FNDC3B: variants seen among roughly 807,000 people sequenced by gnomAD.
FNDC3B encodes the protein fibronectin type III domain containing 3B.
A neutral mutation model predicts 151.5 loss-of-function variants in FNDC3B; 12 were observed. The ratio of observed to expected loss-of-function variants is 0.08; its 90% CI spans 0.05 to 0.13. FNDC3B has a LOEUF of 0.13. Ranked by LOEUF, FNDC3B falls within the 10% of genes least tolerant of loss-of-function variation. The probability of loss-of-function intolerance (pLI) is 1.00; values close to 1 mark genes in which losing one functional copy is unlikely to be tolerated. For synonymous variants in FNDC3B, 528 were observed against 549.0 expected, an observed-to-expected ratio of 0.96 and a Z score of 0.54; for missense variants, 1,214 against 1,505.3, an observed-to-expected ratio of 0.81 and a Z score of 3.20.
chr3:172,182,105 T>A (rs1444071099), intron 3 of FNDC3B, among the ~76,000 whole-genome samples: 1 of 152,198 alleles, frequency 6.6e-6, no homozygotes, highest in Non-Finnish European at 1.5e-5. Context: ...AGCATTGAGT[T>A]GTTTTTGCAC....
At chr3:172,371,126 C>T (rs1246800042) in intron 23 of FNDC3B, among the ~76,000 whole-genome samples, 1 of 151,838 alleles carries the variant, frequency 6.6e-6, no homozygotes, top group Non-Finnish European at 1.5e-5. Context: ...CCCTTGCCCA[C>T]CCCCACAAAT....
chr3:172,191,687 G>C (rs376498483), intron 3 of FNDC3B, among the ~76,000 whole-genome samples: 2 of 152,078 alleles, frequency 1.3e-5, no homozygotes. Flanking sequence ...TGTAGAGATG[G>C]GGTCTCACTG....
intron 3 of FNDC3B, among the ~76,000 whole-genome samples, chr3:172,208,126 C>T (rs1041359705): frequency 1.3e-4 from 20 of 152,196 alleles, no homozygotes; most frequent in African/African-American, 4.6e-4. Context: ...AGATCTGAAC[C>T]TTTATTTTTT....
chr3:172,220,544 T>G lies in FNDC3B; in HGVS notation c.188-6327T>G, dbSNP rs544299600. On this transcript the variant is annotated intron_variant, in intron 3 of 25. Coordinates refer to ENST00000415807, the MANE Select transcript of FNDC3B (RefSeq NM_022763.4). ...TTGATGAAGTTCATTTTATCTGTCT[T>G]TTGTTGCTTGTACTTTTGGTGTCTA... Among the ~76,000 whole-genome samples, 3 of 152,348 alleles carry G rather than the reference T, an allele frequency of 2.0e-5. No individual in the cohort carries two copies. The South Asian group carries it at 6.2e-4, about 32-fold the overall frequency.
chr3:172,288,889 T>G (rs1248085004), intron 7 of FNDC3B, among the ~76,000 whole-genome samples: 1 of 152,200 alleles, frequency 6.6e-6, no homozygotes, highest in Non-Finnish European at 1.5e-5. Context: ...GTATCCAGGT[T>G]GCCTGGGCTG....
intron 6 of FNDC3B, among the ~76,000 whole-genome samples, chr3:172,267,257 G>A (rs954542717): frequency 6.6e-6 from 1 of 151,830 alleles, no homozygotes; most frequent in Non-Finnish European, 1.5e-5. Context: ...CCTGGCTCAA[G>A]CAATCCTCCC....
At chr3:172,332,968 C>G (rs1247354208) in intron 13 of FNDC3B, 121 bp from the exon 14 acceptor site, 5 of 751,930 alleles carry the variant, frequency 6.6e-6, no homozygotes, top group Non-Finnish European at 1.2e-5. Flanking sequence ...GCGGTAGCTG[C>G]CAGACCTCTG....
At chr3:172,243,491 G>A (rs1458876998) in intron 4 of FNDC3B, among the ~76,000 whole-genome samples, 2 of 152,192 alleles carry the variant, frequency 1.3e-5, no homozygotes, top group Non-Finnish European at 2.9e-5. Context: ...CAAAAAAAGA[G>A]GTTGTGCAGG....
At chr3:172,202,167 A>G (rs1725188165) in intron 3 of FNDC3B, among the ~76,000 whole-genome samples, 1 of 152,210 alleles carries the variant, frequency 6.6e-6, no homozygotes, top group Admixed American at 6.5e-5. Context: ...AGGAACTTGA[A>G]GTTACATCAT....
intron 19 of FNDC3B, 71 bp from the exon 20 acceptor site, chr3:172,346,256 T>C (rs1280922554): frequency 2.1e-5 from 17 of 807,744 alleles, no homozygotes; most frequent in Non-Finnish European, 3.2e-5. Flanking sequence ...TATAAGCTTT[T>C]GTATGCACAC....
intron 1 of FNDC3B, among the ~76,000 whole-genome samples, chr3:172,095,152 A>C (rs567391775): frequency 6.6e-6 from 1 of 152,282 alleles, no homozygotes; most frequent in African/African-American, 2.4e-5. Context: ...CCTGTTGTTC[A>C]AAGTAAATGT....
intron 6 of FNDC3B, among the ~76,000 whole-genome samples, chr3:172,271,606 A>G (rs915695370): frequency 1.3e-5 from 2 of 152,186 alleles, no homozygotes; most frequent in African/African-American, 2.4e-5. Context: ...GCTTTTGCCA[A>G]TGCTAGGGCC....
chr3:172,153,419 G>C (rs1722331532), intron 3 of FNDC3B, among the ~76,000 whole-genome samples: 2 of 152,166 alleles, frequency 1.3e-5, no homozygotes, highest in South Asian at 4.1e-4. Flanking sequence ...TGCATGTGCT[G>C]CACGCTGCCT....
At chr3:172,216,460 A>C (rs1725980116) in intron 3 of FNDC3B, among the ~76,000 whole-genome samples, 1 of 152,142 alleles carries the variant, frequency 6.6e-6, no homozygotes, top group Admixed American at 6.6e-5. Context: ...TGAGGCCAGG[A>C]GTTGAAGGCC....
At chr3:172,374,363 G>T (rs1010577724) in intron 23 of FNDC3B, among the ~76,000 whole-genome samples, 1 of 152,136 alleles carries the variant, frequency 6.6e-6, no homozygotes, top group Non-Finnish European at 1.5e-5. Context: ...TTATATATCA[G>T]GATTAGCCTA....
At chr3:172,229,305 A>G (rs1369583355) in intron 4 of FNDC3B, among the ~76,000 whole-genome samples, 4 of 152,174 alleles carry the variant, frequency 2.6e-5, no homozygotes, top group Non-Finnish European at 4.4e-5. Context: ...GTTCTGTAGC[A>G]TGGTGTATAA....
chr3:172,132,074 C>T (rs1343879628), intron 2 of FNDC3B, among the ~76,000 whole-genome samples: 1 of 152,084 alleles, frequency 6.6e-6, no homozygotes, highest in Non-Finnish European at 1.5e-5. Flanking sequence ...AGTAGTAGAG[C>T]GGGTATTTTT....
chr3:172,281,255 T>G (rs921767148), intron 6 of FNDC3B, among the ~76,000 whole-genome samples: 1 of 130,330 alleles, frequency 7.7e-6, no homozygotes, highest in Non-Finnish European at 1.6e-5. Flanking sequence ...ATTTATTTAT[T>G]TATATTTTGA....
intron 3 of FNDC3B, among the ~76,000 whole-genome samples, chr3:172,169,786 C>T (rs1723197298): frequency 6.6e-6 from 1 of 152,210 alleles, no homozygotes; most frequent in African/African-American, 2.4e-5. Context: ...CTTTGTTCCC[C>T]ATTCCAAAAG....
Sources: gnomAD v4.1 joint callset for allele counts (sites outside exome capture counted in the v4.1 genomes callset) on GRCh38, gnomAD v4.1.1 for gene constraint, MANE v1.5 for transcripts, NCBI Gene and HGNC (gene_info 2026-07-23, HGNC 2026-07-21) for gene names.